PHF13: variants seen among roughly 807,000 people sequenced by gnomAD.
PHF13 encodes PHD zinc finger protein PHF5.
A neutral mutation model predicts 25.8 loss-of-function variants in PHF13; 1 was observed. The observed-to-expected ratio is 0.04, with a 90% CI of 0.01 to 0.18. The LOEUF (loss-of-function observed/expected upper bound fraction) is 0.18, where lower values mean the gene tolerates loss of function less well. Among genes scored for constraint, PHF13 ranks in the 10% least tolerant of loss-of-function variants. The pLI is 1.00. For missense variants in PHF13, 306 were observed against 403.2 expected (o/e 0.76, Z 2.06); for synonymous variants, 195 against 162.4 (o/e 1.20, Z -1.53).
At position 6,623,270 on chromosome 1, in the gene PHF13, C is replaced by T. The variant is rs1251175229; in HGVS notation, c.*1633C>T. ...CAACCGTCTTATTTTTTTAAAAGTT[C>T]TGTTGCTTGTATTAACACGAAACTA... On this transcript the variant is annotated 3_prime_UTR_variant, in exon 4 of 4. Coordinates refer to ENST00000377648, the MANE Select transcript of PHF13 (RefSeq NM_153812.3). 1 of 152,454 alleles carries T rather than the reference C, an allele frequency of 6.6e-6. No individual in the cohort carries two copies. The highest frequency in any genetic ancestry group is 6.5e-5 in the Admixed American group (1 of 15,272). 9.4% of individuals were successfully genotyped at this position (152,454 alleles called of 1,614,324 possible).
rs1203899505 is a variant in PHF13, at chr1:6,621,043, AAAAC to A, written c.677-365_677-362del. Among the ~76,000 whole-genome samples, 3 of 150,368 alleles carry A rather than the reference AAAAC, an allele frequency of 2.0e-5. No homozygotes were observed. Among genetic ancestry groups the A allele is most frequent in the Non-Finnish European group, 3.0e-5 (2 of 67,446 alleles). On this transcript the variant is annotated intron_variant, in intron 3 of 3. Coordinates refer to ENST00000377648, the MANE Select transcript of PHF13 (RefSeq NM_153812.3). This position sits in a 1 kb window ranked among gnomAD's most constrained non-coding sequence, Gnocchi z 4.8. Reference sequence around the variant, plus strand: ...AAACTCCGTCTCAAGAAAAAAAAAAAAAACAATAGTCGAGTGTGGTGGTGTGTGC... The same window carrying A: ...AAACTCCGTCTCAAGAAAAAAAAAAAAATAGTCGAGTGTGGTGGTGTGTGC...
chr1:6,619,924 G>T lies in PHF13; in HGVS notation c.263G>T (p.Arg88Leu). The change falls in exon 3 of 4, where the codon CGC becomes CTC. Residue 88 changes from arginine (R) to leucine (L), a missense_variant. By Grantham distance (102) the Arg-to-Leu change is moderately radical. Around this residue, in one of 5 missense-constraint regions of PHF13, gnomAD observed 186 missense variants for 164.0 expected, o/e 1.13. Coordinates refer to ENST00000377648, the MANE Select transcript of PHF13 (RefSeq NM_153812.3). ...ASSVPLPVSD[R>L]CFSHLQPTLL... is the part of the protein sequence containing the mutation. The stretch of plus-strand genomic sequence containing the variant: ...TCAGTGCCCTTGCCAGTCTCTGACC[G>T]CTGCTTTAGCCACCTGCAGCCTACT... 1 of 1,613,896 alleles carries T rather than the reference G, an allele frequency of 6.2e-7. No individual in the cohort carries two copies. Among genetic ancestry groups the T allele is most frequent in the Non-Finnish European group, 8.5e-7 (1 of 1,180,006 alleles).
In PHF13 at chr1:6,621,105, G is replaced by A. The variant is rs1641332641; in HGVS notation, c.677-306G>A. The stretch of plus-strand genomic sequence containing the variant: ...CCCAGCTATTTGGGAGGCTGAGGTG[G>A]GAGGATGGCTTGACTGCAGGAGTTT... On this transcript the variant is annotated intron_variant, in intron 3 of 3. Transcript: ENST00000377648. This position sits in a 1 kb window ranked among gnomAD's most constrained non-coding sequence, Gnocchi z 4.8. Among the ~76,000 whole-genome samples, 1 of 151,924 alleles carries A rather than the reference G, an allele frequency of 6.6e-6. No individual in the cohort carries two copies. The highest frequency in any genetic ancestry group is 1.5e-5 in the Non-Finnish European group (1 of 67,958).
intron 1 of PHF13, among the ~76,000 whole-genome samples, chr1:6,616,325 C>A (rs939966792): frequency 6.6e-6 from 1 of 152,130 alleles, no homozygotes; most frequent in African/African-American, 2.4e-5. Flanking sequence ...CCGCGCCCGG[C>A]GAGTGGTTGA....
chr1:6,614,849 C>G (rs916032849), intron 1 of PHF13, among the ~76,000 whole-genome samples: 3 of 151,558 alleles, frequency 2.0e-5, no homozygotes, highest in African/African-American at 7.3e-5. Flanking sequence ...GCGCGGTCCC[C>G]TCCCCCCAGC....
chr1:6,621,162 C>T lies in PHF13; in HGVS notation c.677-249C>T, dbSNP rs1485439818. On this transcript the variant is annotated intron_variant, in intron 3 of 3. Coordinates refer to ENST00000377648, the MANE Select transcript of PHF13 (RefSeq NM_153812.3). The surrounding 1 kb of genome is among the most constrained non-coding windows in gnomAD (Gnocchi z 4.8). ...GCAGTGAGGTATGATTGCACCACTG[C>T]ACTCCAGCCAGGGTGACAGAGTGAG... Among the ~76,000 whole-genome samples, 1 of 151,310 alleles carries T rather than the reference C, an allele frequency of 6.6e-6. No homozygotes were observed. The highest frequency in any genetic ancestry group is 1.5e-5 in the Non-Finnish European group (1 of 67,892).
rs1311891763 is a variant in PHF13, at chr1:6,621,819, G to A, written c.*182G>A. The A allele has an allele frequency of 6.1e-6, 4 of 655,414 alleles. No homozygotes were observed. The highest frequency in any genetic ancestry group is 1.8e-5 in the African/African-American group (1 of 55,148). 40.6% of individuals were successfully genotyped at this position (655,414 alleles called of 1,614,324 possible). On this transcript the variant is annotated 3_prime_UTR_variant, in exon 4 of 4. Transcript: ENST00000377648. The surrounding 1 kb of genome is among the most constrained non-coding windows in gnomAD (Gnocchi z 4.8). ...CTGTACATAGCCGGTGACCGAATGCGACCTTTGCCAGCCAGAGCTGCTGCC... is the reference window on the plus strand; with the variant it reads ...CTGTACATAGCCGGTGACCGAATGCAACCTTTGCCAGCCAGAGCTGCTGCC...
intron 1 of PHF13, among the ~76,000 whole-genome samples, chr1:6,614,970 C>T (rs1023237482): frequency 1.4e-4 from 21 of 151,440 alleles, no homozygotes; most frequent in African/African-American, 4.8e-4. Flanking sequence ...GTTCGCAGGG[C>T]CTCCCCAGGC....
At position 6,619,835 on chromosome 1, in the gene PHF13, T is replaced by C; in HGVS notation, c.174T>C (p.Ala58=). The change falls in exon 3 of 4, where the codon GCT becomes GCC. Residue 58 remains alanine (A), a synonymous_variant. Coordinates refer to ENST00000377648, the MANE Select transcript of PHF13 (RefSeq NM_153812.3). ...ELPLRSSPSP[A]NSTAGTIDSD... is the part of the protein sequence containing the mutation. Reference sequence around the variant, plus strand: ...CTTTAAGGAGCAGCCCCAGCCCTGCTAACAGCACTGCTGGTACCATTGACA... The same window carrying C: ...CTTTAAGGAGCAGCCCCAGCCCTGCCAACAGCACTGCTGGTACCATTGACA... The C allele has an allele frequency of 6.2e-7, 1 of 1,612,046 alleles. No individual in the cohort carries two copies. Among genetic ancestry groups the C allele is most frequent in the South Asian group, 1.1e-5 (1 of 90,970 alleles).
At chr1:6,614,276 G>C (rs1414771400) in intron 1 of PHF13, among the ~76,000 whole-genome samples, 171 bp downstream of exon 1, 2 of 125,930 alleles carry the variant, frequency 1.6e-5, no homozygotes, top group African/African-American at 3.1e-5. Context: ...GCCCGCGCTC[G>C]GTCCTCTCCG....
At position 6,621,215 on chromosome 1, in the gene PHF13, A is replaced by G. The variant is rs12034227; in HGVS notation, c.677-196A>G. Among the ~76,000 whole-genome samples, 3 of 151,182 alleles carry G rather than the reference A, an allele frequency of 2.0e-5. No individual in the cohort carries two copies. Among genetic ancestry groups the G allele is most frequent in the Admixed American group, 6.6e-5 (1 of 15,194 alleles). ...CCTGTCTTAGGGAAAAAAAAAAAAAAGTAAGCATCTCCTGGGTAATACCTG... is the reference window on the plus strand; with the variant it reads ...CCTGTCTTAGGGAAAAAAAAAAAAAGGTAAGCATCTCCTGGGTAATACCTG... On this transcript the variant is annotated intron_variant, in intron 3 of 3. Coordinates refer to ENST00000377648, the MANE Select transcript of PHF13 (RefSeq NM_153812.3). The surrounding 1 kb of genome is among the most constrained non-coding windows in gnomAD (Gnocchi z 4.8).
In PHF13 at chr1:6,613,860, C is replaced by T. The variant is rs955684212; in HGVS notation, c.-207C>T. The T allele has an allele frequency of 9.8e-5, 49 of 500,228 alleles. No homozygotes were observed. Among genetic ancestry groups the T allele is most frequent in the Admixed American group, 3.1e-4 (7 of 22,880 alleles). The allele number at this position is 500,228 out of a possible 1,614,324, so 31.0% of individuals were successfully genotyped here. On this transcript the variant is annotated 5_prime_UTR_variant, in exon 1 of 4. Coordinates refer to ENST00000377648, the MANE Select transcript of PHF13 (RefSeq NM_153812.3). The stretch of plus-strand genomic sequence containing the variant: ...TCTACCGCCGCGGGAGCTGCATCGT[C>T]CACTCCGGTCGGCGGTGGAACCGCC...
Position 6,623,894 on chromosome 1 carries a change from T to C in PHF13, c.*2257T>C, listed in dbSNP as rs1641389629. The C allele has an allele frequency of 6.5e-6, 1 of 152,676 alleles. No homozygotes were observed. The highest frequency in any genetic ancestry group is 2.4e-5 in the African/African-American group (1 of 41,464). The allele number at this position is 152,676 out of a possible 1,614,324, so 9.5% of individuals were successfully genotyped here. A position where few individuals can be genotyped will look rare whatever the true frequency, so the allele number is the denominator to read the frequency against. On this transcript the variant is annotated 3_prime_UTR_variant, in exon 4 of 4. Transcript: ENST00000377648. The stretch of plus-strand genomic sequence containing the variant: ...GCCAGGCCAGACACTTCACATCGTT[T>C]ACATGGTTCTGTGTAATTTTAAAGT...
chr1:6,614,309 C>T (rs1641219644), intron 1 of PHF13: 11 of 536,280 alleles, frequency 2.1e-5, no homozygotes, highest in Admixed American at 2.0e-4. Context: ...TCCGCGTCCC[C>T]TCCGCGGACC....
rs1267759652 is a variant in PHF13 at position 6,622,406 on chromosome 1, TTTC to T, written c.*772_*774del. On this transcript the variant is annotated 3_prime_UTR_variant, in exon 4 of 4. Transcript: ENST00000377648. Reference sequence around the variant, plus strand: ...CGATACAGCCAAAAGTATTGGCTGATTTCTTGCTGAGTGCCCTCTTAGTTGGTG... The same window carrying T: ...CGATACAGCCAAAAGTATTGGCTGATTTGCTGAGTGCCCTCTTAGTTGGTG... 1 of 152,908 alleles carries T rather than the reference TTTC, an allele frequency of 6.5e-6. No homozygotes were observed. The highest frequency in any genetic ancestry group is 2.4e-5 in the African/African-American group (1 of 41,450). 9.5% of individuals were successfully genotyped at this position (152,908 alleles called of 1,614,324 possible). A position where few individuals can be genotyped will look rare whatever the true frequency, so the allele number is the denominator to read the frequency against.
At position 6,619,987 on chromosome 1, in the gene PHF13, A is replaced by G. The variant is rs1557446649; in HGVS notation, c.326A>G (p.Asp109Gly). Reference protein sequence around the residue: ...QRAKPSNFLLDRKKTDKLKKK... With the variant: ...QRAKPSNFLLGRKKTDKLKKK... ...GCCAAGCCCAGTAACTTCCTGCTGG[A>G]CAGAAAGAAAACGGACAAGCTGAAG... Residue 109 changes from aspartate to glycine, a missense_variant, in exon 3 of 4, where the codon GAC becomes GGC. Physicochemically the swap from Asp to Gly is moderately conservative, Grantham distance 94. Transcript: ENST00000377648. 6.2e-7 allele frequency: 1 copy of G among 1,613,842 alleles called. No individual in the cohort carries two copies. Among genetic ancestry groups the G allele is most frequent in the Non-Finnish European group, 8.5e-7 (1 of 1,180,004 alleles).
intron 1 of PHF13, among the ~76,000 whole-genome samples, chr1:6,616,344 A>G (rs1364160614): frequency 6.6e-6 from 1 of 152,124 alleles, no homozygotes; most frequent in Non-Finnish European, 1.5e-5. Flanking sequence ...GATTTTTGAA[A>G]TCACTTAACA....
At chr1:6,619,273 C>CT (rs1570227514) in intron 2 of PHF13, among the ~76,000 whole-genome samples, 3 of 152,282 alleles carry the variant, frequency 2.0e-5, no homozygotes, top group Admixed American at 2.0e-4. Context: ...TTTTCTGTCT[C>CT]TAAGATGGGG....
intron 1 of PHF13, chr1:6,614,347 AG>A: frequency 2.2e-6 from 1 of 460,136 alleles, no homozygotes; most frequent in Non-Finnish European, 3.8e-6. Context: ...CCCTTTCCCC[AG>A]GGCCGTTGCG....
Sources: allele counts gnomAD v4.1 joint callset (sites outside exome capture counted in the v4.1 genomes callset), GRCh38; gene constraint gnomAD v4.1.1; regional missense constraint gnomAD v4.1.1; non-coding constraint Gnocchi (gnomAD v3.1); transcripts MANE v1.5; gene names NCBI Gene and HGNC (gene_info 2026-07-23, HGNC 2026-07-21).